Variants in GNG7 observed in about 807,000 individuals in gnomAD.
GNG7 encodes the protein guanine nucleotide-binding protein G(I)/G(S)/G(O) subunit gamma-7.
In GNG7, 1 loss-of-function variant was observed where a neutral mutation model predicts 4.0. The observed-to-expected ratio is 0.25, with a 90% CI of 0.09 to 1.18. The LOEUF (loss-of-function observed/expected upper bound fraction) is 1.18, where lower values mean the gene tolerates loss of function less well. GNG7 is among the 50% of genes most tolerant of loss of function. GNG7 has a pLI of 0.50. For missense variants in GNG7, 86 were observed against 91.9 expected (o/e 0.94, Z 0.26); for synonymous variants, 34 against 36.9 (o/e 0.92, Z 0.29).
chr19:2,649,270 T>C (rs192473569), intron 1 of GNG7, among the ~76,000 whole-genome samples: 9 of 152,042 alleles, frequency 5.9e-5, no homozygotes, highest in Admixed American at 5.9e-4. Flanking sequence ...TTTGAAGTGG[T>C]CTGGTGCGCC....
chr19:2,569,377 A>G (rs561327358), intron 2 of GNG7, among the ~76,000 whole-genome samples: 8 of 152,068 alleles, frequency 5.3e-5, no homozygotes, highest in African/African-American at 1.2e-4. Flanking sequence ...CTGGGTTGAC[A>G]CCATTCTCCT....
chr19:2,553,707 TATA>T (rs1410929324), intron 3 of GNG7, among the ~76,000 whole-genome samples: 15 of 130,768 alleles, frequency 1.1e-4, no homozygotes, highest in African/African-American at 2.7e-4. Context: ...GCACATTACA[TATA>T]ATATATTACA....
At chr19:2,666,563 C>T (rs557211125) in intron 1 of GNG7, among the ~76,000 whole-genome samples, 21 of 152,290 alleles carry the variant, frequency 1.4e-4, no homozygotes, top group African/African-American at 4.3e-4. Context: ...CCTCCCTGCT[C>T]AGCCTCCCCA....
intron 2 of GNG7, among the ~76,000 whole-genome samples, chr19:2,602,567 C>G (rs1318640524): frequency 6.6e-6 from 1 of 152,268 alleles, no homozygotes; most frequent in Non-Finnish European, 1.5e-5. Flanking sequence ...TGTGGCCTCG[C>G]ACAGGCGGAC....
intron 3 of GNG7, among the ~76,000 whole-genome samples, chr19:2,525,461 C>A (rs1978360909): frequency 6.9e-6 from 1 of 144,496 alleles, no homozygotes; most frequent in Non-Finnish European, 1.5e-5. Flanking sequence ...ATCCCACTCG[C>A]GCCTGAAAGT....
Position 2,513,691 on chromosome 19 carries a change from G to T in GNG7, c.*1331C>A. On this transcript the variant is annotated 3_prime_UTR_variant, in exon 5 of 5. Transcript: ENST00000382159. ...TTTTGAGCGGACGTTTTGATCTCCG[G>T]GACAACGTCTCACCTCCCAGAGTCC... is the stretch of plus-strand genomic sequence containing the variant. 1 of 382,838 alleles carries T rather than the reference G, an allele frequency of 2.6e-6. No individual in the cohort carries two copies. Among genetic ancestry groups the T allele is most frequent in the Non-Finnish European group, 3.6e-6 (1 of 279,452 alleles). 23.7% of individuals were successfully genotyped at this position (382,838 alleles called of 1,614,324 possible).
At chr19:2,619,234 C>T (rs1208399480) in intron 2 of GNG7, among the ~76,000 whole-genome samples, 4 of 152,198 alleles carry the variant, frequency 2.6e-5, no homozygotes, top group African/African-American at 9.7e-5. Flanking sequence ...CAGGGGTTAG[C>T]TAACTACGGC....
chr19:2,681,243 G>A (rs1983727696), intron 1 of GNG7, among the ~76,000 whole-genome samples: 1 of 151,998 alleles, frequency 6.6e-6, no homozygotes, highest in African/African-American at 2.4e-5. Context: ...GAATGCAGTG[G>A]CACGATCTCG....
At chr19:2,687,704 G>A (rs1469533586) in intron 1 of GNG7, among the ~76,000 whole-genome samples, 16 of 152,128 alleles carry the variant, frequency 1.1e-4, no homozygotes, top group African/African-American at 1.4e-4. Flanking sequence ...TGCCGGGCGC[G>A]GTGGCTCACG....
chr19:2,666,838 A>G (rs184795319), intron 1 of GNG7, among the ~76,000 whole-genome samples: 122 of 152,342 alleles, frequency 8.0e-4, no homozygotes, highest in African/African-American at 2.9e-3. Context: ...TTTGCCCCCA[A>G]GGCCATTGGT....
chr19:2,597,588 A>T (rs1415019663), intron 2 of GNG7, among the ~76,000 whole-genome samples: 1 of 136,408 alleles, frequency 7.3e-6, no homozygotes, highest in Non-Finnish European at 1.6e-5. Flanking sequence ...CAAGAGCAAA[A>T]CTCCTTCTCA....
At position 2,557,285 on chromosome 19, in the gene GNG7, GCA is replaced by G. The variant is rs746531459; in HGVS notation, c.-77-2099_-77-2098del. On this transcript the variant is annotated intron_variant, in intron 2 of 4. Coordinates refer to ENST00000382159, the MANE Select transcript of GNG7 (RefSeq NM_052847.3). The surrounding 1 kb of genome is among the most constrained non-coding windows in gnomAD (Gnocchi z 5.1). Reference sequence around the variant, plus strand: ...CACACATTTGCACACACAGACACGTGCACACACAGAGGTGCACATACACGCAC... The same window carrying G: ...CACACATTTGCACACACAGACACGTGCACACAGAGGTGCACATACACGCAC... 4.6e-4 allele frequency among the ~76,000 whole-genome samples: 69 copies of G among 149,918 alleles called. 1 individual carries two copies. Among genetic ancestry groups the G allele is most frequent in the Middle Eastern group, 3.4e-3 (1 of 290 alleles).
intron 2 of GNG7, among the ~76,000 whole-genome samples, chr19:2,605,779 T>A (rs1438472157): frequency 6.6e-6 from 1 of 152,100 alleles, no homozygotes; most frequent in East Asian, 1.9e-4. Context: ...CCCAAAGTGC[T>A]GGGATGACAG....
chr19:2,544,213 G>A (rs1240209662), intron 3 of GNG7, among the ~76,000 whole-genome samples: 2 of 152,282 alleles, frequency 1.3e-5, no homozygotes, highest in Non-Finnish European at 2.9e-5. Context: ...AAACAAAATG[G>A]AACAGTAGTT....
chr19:2,534,524 G>A (rs1978679792), intron 3 of GNG7, among the ~76,000 whole-genome samples: 1 of 152,188 alleles, frequency 6.6e-6, no homozygotes, highest in African/African-American at 2.4e-5. Flanking sequence ...CATGGCTCCA[G>A]GATCATCTCC....
intron 1 of GNG7, among the ~76,000 whole-genome samples, chr19:2,673,284 AAAAC>A (rs1983511577): frequency 6.7e-6 from 1 of 148,998 alleles, no homozygotes; most frequent in African/African-American, 2.5e-5. Flanking sequence ...AAAACAAAAC[AAAAC>A]AAAAAAAAAC....
At chr19:2,638,450 G>GAAA (rs1982381662) in intron 2 of GNG7, among the ~76,000 whole-genome samples, 1 of 44,408 alleles carries the variant, frequency 2.3e-5, no homozygotes. Context: ...GAGGGGGAGG[G>GAAA]GAGGGGGAGG....
At chr19:2,669,279 C>T (rs774881063) in intron 1 of GNG7, among the ~76,000 whole-genome samples, 8 of 151,962 alleles carry the variant, frequency 5.3e-5, no homozygotes, top group Non-Finnish European at 8.8e-5. Flanking sequence ...ATCACGAGGT[C>T]GGGAGTTCGA....
intron 1 of GNG7, among the ~76,000 whole-genome samples, chr19:2,661,261 G>GAAAGA (rs1442770164): frequency 0.011 from 815 of 71,310 alleles, 17 homozygotes; most frequent in Middle Eastern, 0.041. Context: ...AAGAAAGAAA[G>GAAAGA]AAAGAAAGAA....
Sources: allele counts gnomAD v4.1 joint callset (sites outside exome capture counted in the v4.1 genomes callset), GRCh38; gene constraint gnomAD v4.1.1; non-coding constraint Gnocchi (gnomAD v3.1); transcripts MANE v1.5; gene names NCBI Gene and HGNC (gene_info 2026-07-23, HGNC 2026-07-21).